The following FXR1 variants were observed in gnomAD, a reference collection of about 807,000 sequenced individuals.
FXR1 encodes RNA-binding protein FXR1.
A neutral mutation model predicts 84.0 loss-of-function variants in FXR1; 15 were observed. The ratio of observed to expected loss-of-function variants is 0.18; its 90% CI spans 0.12 to 0.27. The LOEUF (loss-of-function observed/expected upper bound fraction) is 0.27, where lower values mean the gene tolerates loss of function less well. Among genes scored for constraint, FXR1 ranks in the 10% least tolerant of loss-of-function variants. The pLI is 1.00. For missense variants in FXR1, 480 were observed against 774.4 expected (o/e 0.62, Z 4.51); for synonymous variants, 245 against 250.7 (o/e 0.98, Z 0.21).
intron 7 of FXR1, among the ~76,000 whole-genome samples, chr3:180,950,537 TTAA>T (rs578162279): frequency 1.9e-3 from 295 of 152,310 alleles, no homozygotes; most frequent in African/African-American, 6.7e-3. Context: ...TTAACCATTT[TTAA>T]GTGTACACTT....
intron 3 of FXR1, among the ~76,000 whole-genome samples, chr3:180,944,569 C>G (rs181861359): frequency 9.2e-5 from 14 of 152,168 alleles, no homozygotes; most frequent in African/African-American, 2.9e-4. Flanking sequence ...TCAAGCAGTC[C>G]TCCTGCCTCA....
intron 1 of FXR1, among the ~76,000 whole-genome samples, chr3:180,932,503 C>G (rs1560170453): frequency 6.6e-6 from 1 of 152,104 alleles, no homozygotes; most frequent in African/African-American, 2.4e-5. Flanking sequence ...AATTCTACAC[C>G]CAAGTCCTTT....
At chr3:180,966,738 G>A (rs1276064817) in intron 13 of FXR1, among the ~76,000 whole-genome samples, 1 of 152,078 alleles carries the variant, frequency 6.6e-6, no homozygotes, top group African/African-American at 2.4e-5. Context: ...GGCGATTTTA[G>A]GATAACAAAA....
At chr3:180,943,587 C>T (rs547442191) in intron 3 of FXR1, among the ~76,000 whole-genome samples, 2 of 152,148 alleles carry the variant, frequency 1.3e-5, no homozygotes, top group Admixed American at 1.3e-4. Flanking sequence ...TTGATTCAGG[C>T]TTAGGAATTT....
intron 8 of FXR1, among the ~76,000 whole-genome samples, chr3:180,952,449 T>C (rs1722320927): frequency 6.6e-6 from 1 of 151,994 alleles, no homozygotes; most frequent in East Asian, 1.9e-4. Context: ...CCCAGCAAGT[T>C]TGGATGCTGA....
intron 9 of FXR1, among the ~76,000 whole-genome samples, chr3:180,956,741 C>T (rs1465778418): frequency 2.0e-5 from 3 of 151,146 alleles, no homozygotes; most frequent in African/African-American, 7.3e-5. Flanking sequence ...TAAATTTAGG[C>T]TTATTAATGG....
At position 180,980,303 on chromosome 3, in the gene FXR1, T is replaced by C. The variant is rs1314923354; in HGVS notation, c.*4011T>C. On this transcript the variant is annotated 3_prime_UTR_variant, in exon 17 of 17. Coordinates refer to ENST00000357559, the MANE Select transcript of FXR1 (RefSeq NM_005087.4). ...TTCCAAACAAGGACAAAGTAATTTT[T>C]CACAAGTCTTACAGCCCCACTATTA... 1.3e-5 allele frequency: 2 copies of C among 152,046 alleles called. No homozygotes were observed. The highest frequency in any genetic ancestry group is 4.8e-5 in the African/African-American group (2 of 41,418). The allele number at this position is 152,046 out of a possible 1,614,324, so 9.4% of individuals were successfully genotyped here. A position where few individuals can be genotyped will look rare whatever the true frequency, so the allele number is the denominator to read the frequency against.
chr3:180,926,506 A>ATATATATATATATTTTTTTTTTTTTTTTT, intron 1 of FXR1, among the ~76,000 whole-genome samples: 1 of 124,380 alleles, frequency 8.0e-6, no homozygotes, highest in African/African-American at 2.9e-5. Flanking sequence ...ATATATATAT[A>ATATATATATATATTTTTTTTTTTTTTTTT]TTTTTTTTTC....
Position 180,936,585 on chromosome 3 carries a change from A to G in FXR1, c.198+1354A>G, listed in dbSNP as rs531566825. Among the ~76,000 whole-genome samples the G allele has an allele frequency of 2.4e-4, 37 of 152,240 alleles. No individual in the cohort carries two copies. The South Asian group carries it at 6.4e-3, about 26-fold the overall frequency. ...ACATGGCCTGATTTTTTAATGACAA[A>G]TTTTCTTTGAGCTCTCATTAATCTA... On this transcript the variant is annotated intron_variant, in intron 3 of 16. Transcript: ENST00000357559.
chr3:180,914,338 T>G (rs1805563), intron 1 of FXR1, among the ~76,000 whole-genome samples: 36,637 of 152,052 alleles, frequency 0.24, 4,635 homozygotes, highest in African/African-American at 0.31. Flanking sequence ...TTCCTATCAA[T>G]TGTAGATAAG....
chr3:180,935,190 C>T lies in FXR1; in HGVS notation c.157C>T (p.Pro53Ser), dbSNP rs779422687. The T allele has an allele frequency of 6.3e-7, 1 of 1,577,220 alleles. No homozygotes were observed. Among genetic ancestry groups the T allele is most frequent in the Admixed American group, 1.7e-5 (1 of 59,840 alleles). Reference sequence around the variant, plus strand: ...TAATGAAGTTAGATTACCACCACCACCTGATATAAAAAAAGAAATTAGTGA... The same window carrying T: ...TAATGAAGTTAGATTACCACCACCATCTGATATAAAAAAAGAAATTAGTGA... ...PFNEVRLPPP[P>S]DIKKEISEGD... The change falls in exon 3 of 17, where the codon CCT becomes TCT. Residue 53 changes from proline to serine, a missense_variant. By Grantham distance (74) the Pro-to-Ser change is moderately conservative. This residue lies in a region of FXR1 where 54 missense variants were observed against 74.2 expected (regional missense o/e 0.73). Coordinates refer to ENST00000357559, the MANE Select transcript of FXR1 (RefSeq NM_005087.4).
At chr3:180,923,631 A>G (rs985912253) in intron 1 of FXR1, among the ~76,000 whole-genome samples, 1 of 152,126 alleles carries the variant, frequency 6.6e-6, no homozygotes, top group Non-Finnish European at 1.5e-5. Context: ...CTCCAGGAAG[A>G]TTTACCATGG....
intron 3 of FXR1, among the ~76,000 whole-genome samples, chr3:180,944,342 A>G (rs1470320083): frequency 4.7e-5 from 7 of 149,528 alleles, no homozygotes; most frequent in Non-Finnish European, 8.9e-5. Flanking sequence ...TTTTTTTGAG[A>G]CAGGGTCTCG....
At chr3:180,925,820 A>G (rs545607057) in intron 1 of FXR1, among the ~76,000 whole-genome samples, 2 of 152,320 alleles carry the variant, frequency 1.3e-5, no homozygotes, top group South Asian at 2.1e-4. Context: ...CTTGGGGAAG[A>G]AAAAACCCGA....
intron 1 of FXR1, among the ~76,000 whole-genome samples, chr3:180,926,617 G>T (rs1243185127): frequency 6.6e-6 from 1 of 150,874 alleles, no homozygotes; most frequent in Admixed American, 6.6e-5. Flanking sequence ...CACTTTTAGG[G>T]TGTAAATCTT....
intron 1 of FXR1, among the ~76,000 whole-genome samples, chr3:180,921,956 A>G (rs1221560115): frequency 6.6e-6 from 1 of 152,194 alleles, no homozygotes; most frequent in African/African-American, 2.4e-5. Context: ...AATTGTATAT[A>G]GGTACGCATT....
chr3:180,968,327 C>G, intron 14 of FXR1, 73 bp downstream of exon 14: 1 of 968,924 alleles, frequency 1.0e-6, no homozygotes, highest in Non-Finnish European at 1.6e-6. Context: ...AATTCATCTC[C>G]CAGGGCCACC....
In FXR1 at chr3:180,948,506, T is replaced by C; in HGVS notation, c.419+11T>C. On this transcript the variant is annotated intron_variant, in intron 5 of 16. Transcript: ENST00000357559. Reference sequence around the variant, plus strand: ...GGATTTGAGAGAGGCGTGAGTAATTTTATATACTATTGAATTGTTCTGTGA... The same window carrying C: ...GGATTTGAGAGAGGCGTGAGTAATTCTATATACTATTGAATTGTTCTGTGA... The C allele has an allele frequency of 6.4e-7, 1 of 1,552,714 alleles. No individual in the cohort carries two copies. Among genetic ancestry groups the C allele is most frequent in the Non-Finnish European group, 8.9e-7 (1 of 1,128,912 alleles).
intron 13 of FXR1, among the ~76,000 whole-genome samples, chr3:180,965,262 T>C (rs760976870): frequency 1.1e-4 from 16 of 151,946 alleles, no homozygotes; most frequent in Admixed American, 3.3e-4. Flanking sequence ...GTGATCTGTC[T>C]ACCTCGCCTC....
Sources: gnomAD v4.1 joint callset for allele counts (sites outside exome capture counted in the v4.1 genomes callset) on GRCh38, gnomAD v4.1.1 for gene constraint, gnomAD v4.1.1 regional missense constraint, MANE v1.5 for transcripts, NCBI Gene and HGNC (gene_info 2026-07-23, HGNC 2026-07-21) for gene names.